RCAN1: variants seen among roughly 807,000 people sequenced by gnomAD.
RCAN1 encodes regulator of calcineurin 1, also known as calcipressin-1.
A neutral mutation model predicts 22.9 loss-of-function variants in RCAN1; 11 were observed. The observed-to-expected ratio is 0.48, with a 90% CI of 0.30 to 0.79. RCAN1 has a LOEUF of 0.79. Among genes scored for constraint, RCAN1 ranks in the 30% least tolerant of loss-of-function variants. The pLI is 0.06. For synonymous variants in RCAN1, 136 were observed against 142.3 expected (o/e 0.96, Z 0.32); for missense variants, 291 against 337.8 (o/e 0.86, Z 1.09).
At chr21:34,528,592 T>C (rs1985203608) in intron 1 of RCAN1, among the ~76,000 whole-genome samples, 1 of 152,174 alleles carries the variant, frequency 6.6e-6, no homozygotes, top group African/African-American at 2.4e-5. Flanking sequence ...ATGAAGATTG[T>C]GGTGGTGGGC....
At chr21:34,586,160 G>T (rs1191083903) in intron 1 of RCAN1, among the ~76,000 whole-genome samples, 1 of 152,178 alleles carries the variant, frequency 6.6e-6, no homozygotes, top group East Asian at 1.9e-4. Flanking sequence ...GGCCATAGAT[G>T]ACATAAACAA....
intron 1 of RCAN1, among the ~76,000 whole-genome samples, chr21:34,565,766 G>A (rs915671110): frequency 4.6e-5 from 7 of 152,208 alleles, no homozygotes; most frequent in Admixed American, 4.6e-4. Context: ...TTCTATGTGT[G>A]CTCGGCAAAA....
chr21:34,592,880 G>T (rs954652711), intron 1 of RCAN1, among the ~76,000 whole-genome samples: 1 of 152,170 alleles, frequency 6.6e-6, no homozygotes, highest in East Asian at 1.9e-4. Context: ...GGAGCACCAG[G>T]AGGACATGGT....
At chr21:34,602,931 G>A (rs1418901322) in intron 1 of RCAN1, among the ~76,000 whole-genome samples, 1 of 152,066 alleles carries the variant, frequency 6.6e-6, no homozygotes, top group African/African-American at 2.4e-5. Flanking sequence ...CTCCCCTTCA[G>A]GTGAGCACGT....
chr21:34,584,113 C>A (rs1324915275), intron 1 of RCAN1, among the ~76,000 whole-genome samples: 1 of 152,208 alleles, frequency 6.6e-6, no homozygotes, highest in African/African-American at 2.4e-5. Flanking sequence ...CAGCCTGGAA[C>A]AATCACAGCC....
At chr21:34,605,157 A>G (rs751987255) in intron 1 of RCAN1, among the ~76,000 whole-genome samples, 2 of 152,232 alleles carry the variant, frequency 1.3e-5, no homozygotes, top group Non-Finnish European at 2.9e-5. Flanking sequence ...CCCACCCTCT[A>G]TCTGCGTGGG....
intron 3 of RCAN1, 111 bp downstream of exon 3, chr21:34,521,388 A>G (rs1984523624): frequency 1.9e-6 from 3 of 1,576,018 alleles, no homozygotes; most frequent in Non-Finnish European, 2.6e-6. Context: ...CTCACAAAAC[A>G]TGCCGGCATG....
chr21:34,599,766 T>A (rs1355400585), intron 1 of RCAN1, among the ~76,000 whole-genome samples: 1 of 152,144 alleles, frequency 6.6e-6, no homozygotes, highest in Non-Finnish European at 1.5e-5. Flanking sequence ...AACAAAGTGA[T>A]AGTTGGTCAT....
At chr21:34,544,878 G>A (rs529459517) in intron 1 of RCAN1, among the ~76,000 whole-genome samples, 22 of 152,322 alleles carry the variant, frequency 1.4e-4, no homozygotes, top group African/African-American at 4.1e-4. Context: ...GGGTAGTGAG[G>A]GCACCTTGTG....
At chr21:34,548,554 G>A (rs1041512213) in intron 1 of RCAN1, among the ~76,000 whole-genome samples, 2 of 152,054 alleles carry the variant, frequency 1.3e-5, no homozygotes, top group African/African-American at 4.8e-5. Context: ...CTGCAATGTC[G>A]AAACTTTTGA....
chr21:34,566,943 G>T (rs957167238), intron 1 of RCAN1, among the ~76,000 whole-genome samples: 6 of 151,996 alleles, frequency 3.9e-5, no homozygotes, highest in Non-Finnish European at 8.8e-5. Flanking sequence ...CGTTCATGAG[G>T]GATCTACCCC....
intron 1 of RCAN1, among the ~76,000 whole-genome samples, chr21:34,557,619 G>A (rs1013661796): frequency 2.6e-5 from 4 of 152,210 alleles, no homozygotes; most frequent in African/African-American, 9.7e-5. Flanking sequence ...AGTAACACGT[G>A]GTGGCTTTTT....
At chr21:34,544,751 A>G (rs1397358123) in intron 1 of RCAN1, among the ~76,000 whole-genome samples, 1 of 152,166 alleles carries the variant, frequency 6.6e-6, no homozygotes, top group Admixed American at 6.5e-5. Flanking sequence ...GATAGAAAGT[A>G]AAGGAGACCC....
At chr21:34,609,785 G>T (rs957601317) in intron 1 of RCAN1, among the ~76,000 whole-genome samples, 17 of 152,174 alleles carry the variant, frequency 1.1e-4, no homozygotes, top group Non-Finnish European at 2.1e-4. Flanking sequence ...AGGGGGTGGA[G>T]TGGTGAGGAG....
intron 1 of RCAN1, chr21:34,525,079 A>T: frequency 6.4e-7 from 1 of 1,550,574 alleles, no homozygotes; most frequent in Non-Finnish European, 8.7e-7. Flanking sequence ...GACAGAGCTC[A>T]CTGAGGACCT....
chr21:34,540,220 A>T (rs1459300621), intron 1 of RCAN1, among the ~76,000 whole-genome samples: 1 of 152,214 alleles, frequency 6.6e-6, no homozygotes, highest in Non-Finnish European at 1.5e-5. Flanking sequence ...TTTGTATTTA[A>T]TCAGCAAATT....
intron 1 of RCAN1, among the ~76,000 whole-genome samples, chr21:34,586,388 T>TA (rs11347653): frequency 2.1e-3 from 321 of 149,814 alleles, no homozygotes; most frequent in African/African-American, 7.3e-3. Context: ...TCAATAACAT[T>TA]AAAAAAAAAA....
rs202036960 is a variant in RCAN1 at position 34,601,817 on chromosome 21, C to CAA, written c.252+12941_252+12942dup. Among the ~76,000 whole-genome samples the CAA allele has an allele frequency of 8.4e-3, 696 of 83,286 alleles. 8 individuals are homozygous for CAA. The highest frequency in any genetic ancestry group is 0.013 in the Non-Finnish European group (539 of 42,570). The allele number at this position is 83,286 out of a possible 152,430, so 54.6% of individuals were successfully genotyped here. ...TGGGCAACAGAGTGAGACTCTGTCT[C>CAA]AAAAAAAAAAAAAAAAAAAAGAAGG... On this transcript the variant is annotated intron_variant, in intron 1 of 3. Coordinates refer to ENST00000313806, the MANE Select transcript of RCAN1 (RefSeq NM_004414.7).
At position 34,518,101 on chromosome 21, in the gene RCAN1, G is replaced by A; in HGVS notation, c.742C>T (p.Pro248Ser). 6.2e-7 allele frequency: 1 copy of A among 1,614,208 alleles called. No individual in the cohort carries two copies. The highest frequency in any genetic ancestry group is 1.1e-5 in the South Asian group (1 of 91,082). Reference protein sequence around the residue: ...IIQTRRPEYTPIHLS With the variant: ...IIQTRRPEYTSIHLS ...GTGCCAGTTCAGCTGAGGTGGATCG[G>A]CGTGTACTCCGGCCTCCTGGTCTGG... Residue 248 changes from proline (P) to serine (S), a missense_variant, in exon 4 of 4, where the codon CCG becomes TCG. Transcript: ENST00000313806. The surrounding 1 kb of genome is among the most constrained non-coding windows in gnomAD (Gnocchi z 4.2).
Sources: gnomAD v4.1 joint callset for allele counts (sites outside exome capture counted in the v4.1 genomes callset) on GRCh38, gnomAD v4.1.1 for gene constraint, Gnocchi (gnomAD v3.1) non-coding constraint, MANE v1.5 for transcripts, NCBI Gene and HGNC (gene_info 2026-07-23, HGNC 2026-07-21) for gene names.